Variants in SLC41A3 observed in about 807,000 individuals in gnomAD.
SLC41A3 encodes solute carrier family 41 member 3.
SLC41A3 carries 44 observed loss-of-function variants against 45.4 expected under a neutral mutation model. The observed-to-expected ratio is 0.97, with a 90% CI of 0.76 to 1.25. The LOEUF is 1.25. Ranked by LOEUF, SLC41A3 falls within the 50% of genes most tolerant of loss-of-function variation. SLC41A3 has a pLI of 0.00. For missense variants in SLC41A3, 550 were observed against 600.6 expected (o/e 0.92, Z 0.88); for synonymous variants, 256 against 252.4 (o/e 1.01, Z -0.13).
chr3:126,016,640 C>T lies in SLC41A3; in HGVS notation c.890+91G>A, dbSNP rs142928178. On this transcript the variant is annotated intron_variant, in intron 7 of 10. Transcript: ENST00000360370. ...CCCACAGCTACATTTCACTCCATTC[C>T]TGTCCCCCAAGGCAGTGAGTGTCAC... 7,402 of 1,479,580 alleles carry T rather than the reference C, an allele frequency of 5.0e-3. 27 individuals are homozygous for T. Among genetic ancestry groups the T allele is most frequent in the Admixed American group, 7.2e-3 (302 of 42,210 alleles). The allele number at this position is 1,479,580 out of a possible 1,614,324, so 91.7% of individuals were successfully genotyped here. A position where few individuals can be genotyped will look rare whatever the true frequency, so the allele number is the denominator to read the frequency against.
chr3:126,051,997 A>C (rs952723668), intron 2 of SLC41A3, among the ~76,000 whole-genome samples: 2 of 152,172 alleles, frequency 1.3e-5, no homozygotes, highest in Non-Finnish European at 2.9e-5. Context: ...AGGCTTGACC[A>C]GGCGTGAAGG....
At chr3:126,056,656 C>T in intron 2 of SLC41A3, 2 of 1,469,640 alleles carry the variant, frequency 1.4e-6, no homozygotes, top group Non-Finnish European at 1.8e-6. Flanking sequence ...AAGAAGTCCA[C>T]ACAAACAGAA....
rs1940346907 is a variant in SLC41A3, at chr3:126,016,894, C to T, written c.746-19G>A. The T allele has an allele frequency of 6.2e-7, 1 of 1,607,944 alleles. No homozygotes were observed. Among genetic ancestry groups the T allele is most frequent in the East Asian group, 2.2e-5 (1 of 44,772 alleles). On this transcript the variant is annotated intron_variant, in intron 6 of 10. Transcript: ENST00000360370. ...CGACTATCTGAAAGGAGAACAGGGACACACGCAGCTCATGTGGCCAAGGCC... is the reference window on the plus strand; with the variant it reads ...CGACTATCTGAAAGGAGAACAGGGATACACGCAGCTCATGTGGCCAAGGCC...
chr3:126,051,196 T>C lies in SLC41A3; in HGVS notation c.274-146A>G, dbSNP rs921389423. 13 of 987,064 alleles carry C rather than the reference T, an allele frequency of 1.3e-5. No individual in the cohort carries two copies. In the African/African-American group the frequency reaches 1.6e-4, roughly 12 times the overall value. 61.1% of individuals were successfully genotyped at this position (987,064 alleles called of 1,614,324 possible). A position where few individuals can be genotyped will look rare whatever the true frequency, so the allele number is the denominator to read the frequency against. On this transcript the variant is annotated intron_variant, in intron 2 of 10. Transcript: ENST00000360370. ...AGTACTTTCTTAAATGGCTTTAAAC[T>C]AAACAGAAATAAATGAAGCTGTGAA...
chr3:126,059,227 A>AAGAG, intron 2 of SLC41A3, among the ~76,000 whole-genome samples: 1 of 36,666 alleles, frequency 2.7e-5, no homozygotes, highest in African/African-American at 9.6e-5. Context: ...TCAAAAAAGA[A>AAGAG]AGAAAGAGAA....
rs193295952 is a variant in SLC41A3 at position 126,016,931 on chromosome 3, G to A, written c.746-56C>T. 459 of 1,590,214 alleles carry A rather than the reference G, an allele frequency of 2.9e-4. 2 individuals are homozygous for A. The highest frequency in any genetic ancestry group is 2.4e-3 in the South Asian group (216 of 88,366). Reference sequence around the variant, plus strand: ...ATGTGGCCAAGGCCAGCACACACAGGCTGGGCCTGGGTTTCACAAATGAGA... The same window carrying A: ...ATGTGGCCAAGGCCAGCACACACAGACTGGGCCTGGGTTTCACAAATGAGA... On this transcript the variant is annotated intron_variant, in intron 6 of 10. Transcript: ENST00000360370.
At chr3:126,035,549 C>T (rs938113150) in intron 3 of SLC41A3, among the ~76,000 whole-genome samples, 17 of 152,232 alleles carry the variant, frequency 1.1e-4, no homozygotes, top group African/African-American at 2.7e-4. Context: ...GCGAAATCAA[C>T]GCTGAACACT....
intron 1 of SLC41A3, among the ~76,000 whole-genome samples, chr3:126,069,296 A>C (rs912336526): frequency 3.9e-5 from 6 of 151,952 alleles, no homozygotes; most frequent in Admixed American, 1.3e-4. Flanking sequence ...GGATGTACCC[A>C]GTGTGCACAC....
chr3:126,076,897 A>G (rs1944904056), intron 1 of SLC41A3, among the ~76,000 whole-genome samples: 1 of 152,220 alleles, frequency 6.6e-6, no homozygotes, highest in African/African-American at 2.4e-5. Context: ...AGATTCAGCC[A>G]TGCTGCCGAA....
chr3:126,078,586 A>G (rs1576369184), intron 1 of SLC41A3, among the ~76,000 whole-genome samples: 1 of 152,250 alleles, frequency 6.6e-6, no homozygotes, highest in Non-Finnish European at 1.5e-5. Flanking sequence ...TTTTCAAAAA[A>G]TAACAGACAC....
intron 3 of SLC41A3, among the ~76,000 whole-genome samples, chr3:126,037,052 T>C (rs1244272528): frequency 6.6e-6 from 1 of 152,096 alleles, no homozygotes; most frequent in East Asian, 1.9e-4. Context: ...GTATTGGAGG[T>C]AGGATCTGAT....
chr3:126,032,584 TC>T (rs1325926443), intron 4 of SLC41A3, among the ~76,000 whole-genome samples: 2 of 152,190 alleles, frequency 1.3e-5, no homozygotes, highest in Admixed American at 6.5e-5. Flanking sequence ...GTGGGCTGAT[TC>T]CCAAAGTGAG....
intron 2 of SLC41A3, chr3:126,058,259 G>A (rs1325495144): frequency 6.6e-6 from 1 of 152,288 alleles, no homozygotes; most frequent in Non-Finnish European, 1.5e-5. Context: ...TCGTTACATA[G>A]CCGTAGTTAA....
chr3:126,059,297 A>AG, intron 2 of SLC41A3, among the ~76,000 whole-genome samples: 2 of 140,278 alleles, frequency 1.4e-5, no homozygotes, highest in African/African-American at 5.2e-5. Flanking sequence ...AAAGAAAGAA[A>AG]GAAAGAAAGA....
intron 8 of SLC41A3, among the ~76,000 whole-genome samples, chr3:126,013,638 C>A (rs1875683): frequency 6.6e-6 from 1 of 151,688 alleles, no homozygotes; most frequent in Non-Finnish European, 1.5e-5. Context: ...AGCAAGCATG[C>A]GGCAGGAGAC....
upstream of SLC41A3, among the ~76,000 whole-genome samples, chr3:126,086,804 T>G (rs2108123830): frequency 6.6e-6 from 1 of 152,256 alleles, no homozygotes; most frequent in East Asian, 1.9e-4. Flanking sequence ...AAGATGTACT[T>G]CTATTGCCAT....
chr3:126,006,387 A>T lies in SLC41A3; in HGVS notation c.*629T>A, dbSNP rs746427523. On this transcript the variant is annotated 3_prime_UTR_variant, in exon 11 of 11. Transcript: ENST00000360370. ...TACAATATAATCTGTTTTATTTTACACTTCTCTGATTATTGAAATCTAAAT... is the reference window on the plus strand; with the variant it reads ...TACAATATAATCTGTTTTATTTTACTCTTCTCTGATTATTGAAATCTAAAT... 6 of 1,602,136 alleles carry T rather than the reference A, an allele frequency of 3.7e-6. No individual in the cohort carries two copies. The highest frequency in any genetic ancestry group is 5.1e-6 in the Non-Finnish European group (6 of 1,173,770).
At chr3:126,059,050 C>T (rs944549228) in intron 2 of SLC41A3, among the ~76,000 whole-genome samples, 1 of 151,392 alleles carries the variant, frequency 6.6e-6, no homozygotes, top group African/African-American at 2.4e-5. Context: ...TATCTGCTCT[C>T]CCTCCCTGGC....
rs191227645 is a variant in SLC41A3, at chr3:126,057,067, G to C, written c.274-6017C>G. On this transcript the variant is annotated intron_variant, in intron 2 of 10. Transcript: ENST00000360370. ...GGGCTGTTCCCCTCCTGGCAGAGGA[G>C]GGCCTGGGGAGAGATCAGCACAGAG... The C allele has an allele frequency of 3.4e-5, 34 of 995,498 alleles. No homozygotes were observed. The East Asian group carries it at 2.0e-3, about 59-fold the overall frequency. 61.7% of individuals were successfully genotyped at this position (995,498 alleles called of 1,614,324 possible).
Sources: allele counts gnomAD v4.1 joint callset (sites outside exome capture counted in the v4.1 genomes callset), GRCh38; gene constraint gnomAD v4.1.1; transcripts MANE v1.5; gene names NCBI Gene and HGNC (gene_info 2026-07-23, HGNC 2026-07-21).